The following GALNT9 variants were observed in gnomAD, a reference collection of about 807,000 sequenced individuals.
GALNT9 encodes the protein GalNAc transferase 9.
Under a neutral mutation model 63.1 loss-of-function variants are expected in GALNT9, and 47 were observed. The ratio of observed to expected loss-of-function variants is 0.75; its 90% CI spans 0.59 to 0.95. GALNT9 has a LOEUF of 0.95. GALNT9 is among the 40% of genes least tolerant of loss of function. The pLI, the probability that GALNT9 is intolerant of heterozygous loss-of-function variation, is 0.00. For synonymous variants in GALNT9, 396 were observed against 365.7 expected, an observed-to-expected ratio of 1.08 and a Z score of -0.94; for missense variants, 829 against 874.8, an observed-to-expected ratio of 0.95 and a Z score of 0.66.
At chr12:132,240,568 G>A (rs2136898671) in intron 6 of GALNT9, 5 of 450,372 alleles carry the variant, frequency 1.1e-5, no homozygotes, top group South Asian at 6.3e-5. Context: ...TGTGGGCTCC[G>A]TGCGTGGCCC....
Position 132,225,200 on chromosome 12 carries a change from CA to C in GALNT9, c.1078-21511del, listed in dbSNP as rs1877604283. On this transcript the variant is annotated intron_variant, in intron 6 of 10. Transcript: ENST00000328957. ...ACCCACACACTGTACATACACANCC[CA>C]CACACATACACTGCATATACTCCAT... Among the ~76,000 whole-genome samples the C allele has an allele frequency of 1.0e-3, 155 of 149,178 alleles. 1 individual carries two copies. Among genetic ancestry groups the C allele is most frequent in the African/African-American group, 3.5e-3 (141 of 40,296 alleles).
chr12:132,269,389 G>A (rs1463596428), intron 2 of GALNT9, among the ~76,000 whole-genome samples: 4 of 152,226 alleles, frequency 2.6e-5, no homozygotes, highest in Admixed American at 6.5e-5. Context: ...ACCGCCAGGC[G>A]GAGCAGAGGA....
intron 1 of GALNT9, among the ~76,000 whole-genome samples, chr12:132,322,816 G>A (rs1482773733): frequency 1.3e-5 from 2 of 152,190 alleles, no homozygotes; most frequent in African/African-American, 2.4e-5. Context: ...CCTTTTAAAC[G>A]ACTGGAAAAT....
chr12:132,207,261 G>A (rs1876752045), intron 6 of GALNT9, among the ~76,000 whole-genome samples: 1 of 152,186 alleles, frequency 6.6e-6, no homozygotes. Flanking sequence ...CAGCTCCGCA[G>A]GACAGGGTTT....
intron 6 of GALNT9, among the ~76,000 whole-genome samples, chr12:132,217,680 C>T (rs1320911912): frequency 6.6e-6 from 1 of 150,904 alleles, no homozygotes; most frequent in African/African-American, 2.4e-5. Context: ...CATCCATCTA[C>T]CTACTCATTC....
chr12:132,325,065 G>C (rs979179113), intron 1 of GALNT9, among the ~76,000 whole-genome samples: 2 of 151,932 alleles, frequency 1.3e-5, no homozygotes, highest in Non-Finnish European at 2.9e-5. Context: ...CCCCACTTCA[G>C]ACCTTGCTCT....
In GALNT9 at chr12:132,245,226, G is replaced by T. The variant is rs111296950; in HGVS notation, c.1077+2684C>A. On this transcript the variant is annotated intron_variant, in intron 6 of 10. Coordinates refer to ENST00000328957, the MANE Select transcript of GALNT9 (RefSeq NM_001122636.2). This position sits in a 1 kb window ranked among gnomAD's most constrained non-coding sequence, Gnocchi z 6.3. Reference sequence around the variant, plus strand: ...GGAGGCAGAGGCGGGCAGATCACCTGAGCTCAGGAGTTTGAGACTAGCCTG... The same window carrying T: ...GGAGGCAGAGGCGGGCAGATCACCTTAGCTCAGGAGTTTGAGACTAGCCTG... Among the ~76,000 whole-genome samples, 4 of 152,190 alleles carry T rather than the reference G, an allele frequency of 2.6e-5. No individual in the cohort carries two copies. The highest frequency in any genetic ancestry group is 9.6e-5 in the African/African-American group (4 of 41,500).
At chr12:132,258,067 C>A (rs546365357) in intron 4 of GALNT9, among the ~76,000 whole-genome samples, 181 bp from the exon 5 acceptor site, 1 of 152,210 alleles carries the variant, frequency 6.6e-6, no homozygotes, top group African/African-American at 2.4e-5. Flanking sequence ...CAGCAGCAGA[C>A]CCACCCTGAC....
At chr12:132,306,595 C>G (rs1555244671) in intron 1 of GALNT9, among the ~76,000 whole-genome samples, 2 of 152,198 alleles carry the variant, frequency 1.3e-5, no homozygotes. Flanking sequence ...CCCCACCTGC[C>G]CCGGCATTGC....
intron 2 of GALNT9, among the ~76,000 whole-genome samples, chr12:132,270,134 T>C (rs1555240588): frequency 6.6e-6 from 1 of 152,232 alleles, no homozygotes; most frequent in African/African-American, 2.4e-5. Flanking sequence ...TAGGATATAG[T>C]GCTGAACAGA....
At chr12:132,294,259 CAG>C in intron 1 of GALNT9, among the ~76,000 whole-genome samples, 1 of 152,294 alleles carries the variant, frequency 6.6e-6, no homozygotes, top group South Asian at 2.1e-4. Context: ...CCAGAGTCAG[CAG>C]AGAGATGGGA....
At chr12:132,302,010 A>G (rs1353125386) in intron 1 of GALNT9, among the ~76,000 whole-genome samples, 1 of 152,104 alleles carries the variant, frequency 6.6e-6, no homozygotes, top group Non-Finnish European at 1.5e-5. Flanking sequence ...TCACGTGTTT[A>G]TCACTTATTT....
At chr12:132,321,626 C>T (rs1445642403) in intron 1 of GALNT9, among the ~76,000 whole-genome samples, 1 of 152,178 alleles carries the variant, frequency 6.6e-6, no homozygotes, top group African/African-American at 2.4e-5. Context: ...GTGGCCTCTG[C>T]ACCTGCCACC....
chr12:132,323,166 T>C (rs1868880452), intron 1 of GALNT9, among the ~76,000 whole-genome samples: 1 of 152,264 alleles, frequency 6.6e-6, no homozygotes, highest in African/African-American at 2.4e-5. Context: ...AGACTTATTT[T>C]TGTCAAGTTT....
chr12:132,324,773 C>T (rs1555246411), intron 1 of GALNT9, among the ~76,000 whole-genome samples: 1 of 152,108 alleles, frequency 6.6e-6, no homozygotes, highest in Non-Finnish European at 1.5e-5. Context: ...CTGGTTCAGC[C>T]AGGTCTTCAC....
At chr12:132,202,613 T>C (rs1045151390) in intron 7 of GALNT9, among the ~76,000 whole-genome samples, 3 of 150,938 alleles carry the variant, frequency 2.0e-5, no homozygotes, top group African/African-American at 7.5e-5. Flanking sequence ...CAGATGTAAA[T>C]GTATGCGTGT....
At chr12:132,204,235 C>T (rs1876470499) in intron 6 of GALNT9, among the ~76,000 whole-genome samples, 1 of 152,216 alleles carries the variant, frequency 6.6e-6, no homozygotes, top group South Asian at 2.1e-4. Context: ...ACGTGTTTGT[C>T]ACTGCGTATC....
rs1457925948 is a variant in GALNT9 at position 132,238,619 on chromosome 12, C to G, written c.1077+9291G>C. Among the ~76,000 whole-genome samples, 1 of 152,082 alleles carries G rather than the reference C, an allele frequency of 6.6e-6. No individual in the cohort carries two copies. The highest frequency in any genetic ancestry group is 2.4e-5 in the African/African-American group (1 of 41,396). ...GACCTGCACCTGGGCCAGTGGAAGG[C>G]GAAGGTGGGCAGGCCTGAGTGTGAG... On this transcript the variant is annotated intron_variant, in intron 6 of 10. Transcript: ENST00000328957. This position sits in a 1 kb window ranked among gnomAD's most constrained non-coding sequence, Gnocchi z 6.5.
chr12:132,318,232 AGG>A (rs1868612816), intron 1 of GALNT9, among the ~76,000 whole-genome samples: 2 of 152,258 alleles, frequency 1.3e-5, no homozygotes, highest in South Asian at 2.1e-4. Flanking sequence ...CTGACAGCCA[AGG>A]GCCTGAGCAC....
Sources: allele counts gnomAD v4.1 joint callset (sites outside exome capture counted in the v4.1 genomes callset), GRCh38; gene constraint gnomAD v4.1.1; non-coding constraint Gnocchi (gnomAD v3.1); transcripts MANE v1.5; gene names NCBI Gene and HGNC (gene_info 2026-07-23, HGNC 2026-07-21).